Variants in PTPRT observed in about 807,000 individuals in gnomAD.
PTPRT encodes protein tyrosine phosphatase receptor type T.
A neutral mutation model predicts 176.8 loss-of-function variants in PTPRT; 56 were observed. The observed-to-expected ratio is 0.32, with a 90% CI of 0.26 to 0.40. The LOEUF (loss-of-function observed/expected upper bound fraction) is 0.40, where lower values mean the gene tolerates loss of function less well. Ranked by LOEUF, PTPRT falls within the 10% of genes least tolerant of loss-of-function variation. The pLI is 1.00. For missense variants in PTPRT, 1,540 were observed against 1,908.2 expected (o/e 0.81, Z 3.60); for synonymous variants, 783 against 739.0 (o/e 1.06, Z -0.96).
At chr20:43,078,254 C>T (rs2011332246) in intron 1 of PTPRT, among the ~76,000 whole-genome samples, 1 of 152,192 alleles carries the variant, frequency 6.6e-6, no homozygotes, top group African/African-American at 2.4e-5. Context: ...GTAAGTTCAG[C>T]ATCTGGTTTT....
chr20:42,451,132 C>T (rs948774398), intron 8 of PTPRT, among the ~76,000 whole-genome samples: 31 of 151,946 alleles, frequency 2.0e-4, no homozygotes, highest in Admixed American at 1.8e-3. Context: ...AGAATTGTAA[C>T]GTGGACTGGA....
chr20:43,114,709 T>C (rs1268301835), intron 1 of PTPRT, among the ~76,000 whole-genome samples: 2 of 152,176 alleles, frequency 1.3e-5, no homozygotes, highest in African/African-American at 4.8e-5. Context: ...TGAGAAAACA[T>C]AGATATGGTG....
intron 3 of PTPRT, among the ~76,000 whole-genome samples, chr20:42,784,186 G>A (rs905134102): frequency 1.3e-5 from 2 of 152,180 alleles, no homozygotes; most frequent in Non-Finnish European, 2.9e-5. Flanking sequence ...AAGAGGCTCT[G>A]AGATGAGTCT....
chr20:42,526,658 GA>G (rs1022914018), intron 7 of PTPRT, among the ~76,000 whole-genome samples: 7 of 152,026 alleles, frequency 4.6e-5, no homozygotes, highest in African/African-American at 1.7e-4. Context: ...GCTTTTCCAT[GA>G]TTGTATTATA....
chr20:42,406,170 A>G (rs1431570800), intron 9 of PTPRT, among the ~76,000 whole-genome samples: 1 of 152,126 alleles, frequency 6.6e-6, no homozygotes, highest in Non-Finnish European at 1.5e-5. Flanking sequence ...TTAGAAGAAT[A>G]TAAGAGCTAA....
At chr20:42,574,832 G>A (rs1035856196) in intron 7 of PTPRT, among the ~76,000 whole-genome samples, 2 of 152,154 alleles carry the variant, frequency 1.3e-5, no homozygotes, top group Non-Finnish European at 2.9e-5. Flanking sequence ...TCTCATGATA[G>A]TGAGTTCTCA....
intron 7 of PTPRT, among the ~76,000 whole-genome samples, chr20:42,534,948 T>C (rs1473303427): frequency 6.6e-6 from 1 of 152,170 alleles, no homozygotes; most frequent in Non-Finnish European, 1.5e-5. Context: ...AAATGTTTAA[T>C]GTATGAATTC....
chr20:42,974,019 G>GTAA (rs1982803758), intron 1 of PTPRT, among the ~76,000 whole-genome samples: 1 of 152,074 alleles, frequency 6.6e-6, no homozygotes, highest in Non-Finnish European at 1.5e-5. Flanking sequence ...TGAAAGCAGG[G>GTAA]TAATCCCAGG....
At chr20:42,856,662 G>T (rs992554) in intron 2 of PTPRT, among the ~76,000 whole-genome samples, 3 of 151,906 alleles carry the variant, frequency 2.0e-5, no homozygotes, top group Admixed American at 2.0e-4. Context: ...TACTAGATCC[G>T]CTGCAGTTCC....
chr20:42,157,832 G>C (rs1888319257), intron 17 of PTPRT, among the ~76,000 whole-genome samples: 1 of 152,202 alleles, frequency 6.6e-6, no homozygotes, highest in Admixed American at 6.5e-5. Context: ...GTTATCTGGG[G>C]AGCTCACCTA....
chr20:42,433,245 C>A (rs115162842), intron 9 of PTPRT, among the ~76,000 whole-genome samples: 1 of 152,002 alleles, frequency 6.6e-6, no homozygotes, highest in Admixed American at 6.6e-5. Flanking sequence ...ACTAGGATTA[C>A]AACTGTTGTG....
chr20:42,106,657 C>A, intron 24 of PTPRT, 129 bp downstream of exon 24: 2 of 1,280,544 alleles, frequency 1.6e-6, no homozygotes, highest in Admixed American at 2.1e-5. Flanking sequence ...TGTCTACTCC[C>A]TCCTGCTTCT....
At chr20:42,469,565 A>T (rs112737599) in intron 8 of PTPRT, among the ~76,000 whole-genome samples, 1 of 152,178 alleles carries the variant, frequency 6.6e-6, no homozygotes, top group African/African-American at 2.4e-5. Flanking sequence ...TTGTCCAGGC[A>T]TGCTTGGCTC....
intron 6 of PTPRT, among the ~76,000 whole-genome samples, chr20:42,680,092 C>T (rs2206428): frequency 0.26 from 39,467 of 152,018 alleles, 5,476 homozygotes; most frequent in Non-Finnish European, 0.3. Context: ...GGATAGAAGG[C>T]AGGTATACAT....
chr20:42,315,279 G>T (rs1019591321), intron 12 of PTPRT, among the ~76,000 whole-genome samples: 4 of 150,822 alleles, frequency 2.7e-5, no homozygotes, highest in African/African-American at 7.3e-5. Flanking sequence ...AATGAAAAAG[G>T]GCGTATTAAT....
intron 5 of PTPRT, among the ~76,000 whole-genome samples, chr20:42,769,010 G>T (rs1258195225): frequency 6.6e-6 from 1 of 152,174 alleles, no homozygotes; most frequent in South Asian, 2.1e-4. Flanking sequence ...ACCCAGCTGA[G>T]GCAATGCCAT....
At chr20:42,299,251 G>A (rs2057426502) in intron 12 of PTPRT, among the ~76,000 whole-genome samples, 1 of 152,004 alleles carries the variant, frequency 6.6e-6, no homozygotes, top group Non-Finnish European at 1.5e-5. Flanking sequence ...TACATATTAA[G>A]AAATCAACAG....
chr20:42,037,266 T>C, the PTPRT span, among the ~76,000 whole-genome samples: 2 of 152,200 alleles, frequency 1.3e-5, no homozygotes, highest in African/African-American at 4.8e-5. Flanking sequence ...AAGGAGGTCA[T>C]AGGTGTGAAC....
chr20:42,148,598 G>C (rs913646550), intron 17 of PTPRT, among the ~76,000 whole-genome samples: 1 of 152,136 alleles, frequency 6.6e-6, no homozygotes, highest in African/African-American at 2.4e-5. Context: ...GGAGATCTGA[G>C]AGGGAGAAAA....
Sources: allele counts gnomAD v4.1 joint callset (sites outside exome capture counted in the v4.1 genomes callset), GRCh38; gene constraint gnomAD v4.1.1; transcripts MANE v1.5; gene names NCBI Gene and HGNC (gene_info 2026-07-23, HGNC 2026-07-21).